The following NDST4 variants were observed in gnomAD, a reference collection of about 807,000 sequenced individuals.
NDST4 encodes N-heparan sulfate sulfotransferase 4.
Under a neutral mutation model 100.8 loss-of-function variants are expected in NDST4, and 63 were observed. That is an observed-to-expected ratio of 0.62 (90% CI 0.51 to 0.77). NDST4 has a LOEUF of 0.77. Among genes scored for constraint, NDST4 ranks in the 30% least tolerant of loss-of-function variants. NDST4 has a pLI of 0.00. For synonymous variants in NDST4, 377 were observed against 361.8 expected (o/e 1.04, Z -0.48); for missense variants, 943 against 1,018.4 (o/e 0.93, Z 1.01).
intron 2 of NDST4, among the ~76,000 whole-genome samples, chr4:115,040,154 A>T (rs1222471172): frequency 3.3e-5 from 5 of 151,476 alleles, no homozygotes; most frequent in Admixed American, 6.6e-5. Flanking sequence ...TTTTTAGTGA[A>T]TTTTTCTTTG....
chr4:114,918,340 C>T (rs1353589250), intron 6 of NDST4, among the ~76,000 whole-genome samples: 1 of 136,276 alleles, frequency 7.3e-6, no homozygotes, highest in African/African-American at 2.8e-5. Flanking sequence ...CAGGACTTCC[C>T]TTTCTAGAAT....
intron 1 of NDST4, among the ~76,000 whole-genome samples, chr4:115,094,377 A>G (rs985075006): frequency 2.6e-5 from 4 of 152,276 alleles, no homozygotes; most frequent in African/African-American, 9.6e-5. Flanking sequence ...CAGAGAAATG[A>G]TAAGAGTAAT....
intron 10 of NDST4, among the ~76,000 whole-genome samples, chr4:114,843,562 C>T (rs1723477654): frequency 6.6e-6 from 1 of 152,052 alleles, no homozygotes; most frequent in Non-Finnish European, 1.5e-5. Flanking sequence ...CTTTTTTCAC[C>T]AAAATCCATC....
chr4:114,927,262 T>C (rs945302326), intron 6 of NDST4, among the ~76,000 whole-genome samples: 4 of 151,590 alleles, frequency 2.6e-5, no homozygotes, highest in Non-Finnish European at 4.4e-5. Context: ...ATGAGAGAGA[T>C]GTAGCCACGA....
chr4:114,915,032 T>C (rs766004530), intron 6 of NDST4, among the ~76,000 whole-genome samples: 1 of 152,122 alleles, frequency 6.6e-6, no homozygotes, highest in Admixed American at 6.6e-5. Flanking sequence ...TTTTAATGAA[T>C]TAAAACAAGA....
intron 7 of NDST4, among the ~76,000 whole-genome samples, chr4:114,859,567 C>T (rs1355181123): frequency 6.6e-6 from 1 of 152,164 alleles, no homozygotes; most frequent in Non-Finnish European, 1.5e-5. Flanking sequence ...CCCTCCACTC[C>T]TCTGAACTTT....
chr4:114,898,858 T>C (rs1259035892), intron 6 of NDST4, among the ~76,000 whole-genome samples: 1 of 152,198 alleles, frequency 6.6e-6, no homozygotes, highest in African/African-American at 2.4e-5. Flanking sequence ...CAATTGACTT[T>C]TGTATATTAA....
At chr4:114,862,444 G>A (rs749325270) in intron 7 of NDST4, among the ~76,000 whole-genome samples, 4 of 152,090 alleles carry the variant, frequency 2.6e-5, no homozygotes, top group Non-Finnish European at 4.4e-5. Flanking sequence ...ACATAACCCA[G>A]CAGAGCAAAT....
At chr4:115,027,994 G>A (rs1029821716) in intron 2 of NDST4, among the ~76,000 whole-genome samples, 1 of 151,698 alleles carries the variant, frequency 6.6e-6, no homozygotes, top group African/African-American at 2.4e-5. Flanking sequence ...TGGAGTTTGC[G>A]ATGAGGAGAG....
intron 2 of NDST4, among the ~76,000 whole-genome samples, chr4:115,074,475 G>A (rs1729139753): frequency 6.6e-6 from 1 of 151,886 alleles, no homozygotes; most frequent in African/African-American, 2.4e-5. Flanking sequence ...AAAGAAAACT[G>A]TCATTTATAC....
In NDST4 at chr4:114,839,367, C is replaced by T. The variant is rs1723376864; in HGVS notation, c.2286+11G>A. On this transcript the variant is annotated intron_variant, in intron 11 of 13. Coordinates refer to ENST00000264363, the MANE Select transcript of NDST4 (RefSeq NM_022569.3). The stretch of plus-strand genomic sequence containing the variant: ...TAAAATAAACAGAAGAAAGTAATTT[C>T]AGGACATTACCTGAGAAGTAGCAAA... 1 of 1,594,606 alleles carries T rather than the reference C, an allele frequency of 6.3e-7. No homozygotes were observed. Among genetic ancestry groups the T allele is most frequent in the African/African-American group, 1.3e-5 (1 of 74,296 alleles).
intron 4 of NDST4, among the ~76,000 whole-genome samples, chr4:114,941,387 G>C (rs1725746930): frequency 6.6e-6 from 1 of 150,626 alleles, no homozygotes; most frequent in African/African-American, 2.4e-5. Context: ...AAAGGGGTTT[G>C]ATTTTAATAT....
rs373574580 is a variant in NDST4 at position 115,076,272 on chromosome 4, C to T, written c.765G>A (p.Thr255=). 1.1e-5 allele frequency: 17 copies of T among 1,613,950 alleles called. No homozygotes were observed. The highest frequency in any genetic ancestry group is 3.3e-4 in the Middle Eastern group (2 of 6,058). ...SSLSSKTLFA[T]VIQDLGLHDG... ...CATGAAGCCCCAGATCCTGAATCACCGTTGCAAAGAGTGTTTTGCTAGACA... is the reference window on the plus strand; with the variant it reads ...CATGAAGCCCCAGATCCTGAATCACTGTTGCAAAGAGTGTTTTGCTAGACA... Residue 255 remains threonine, a synonymous_variant, in exon 2 of 14, where the codon ACG becomes ACA. Coordinates refer to ENST00000264363, the MANE Select transcript of NDST4 (RefSeq NM_022569.3).
chr4:115,108,141 C>T (rs568864065), intron 1 of NDST4, among the ~76,000 whole-genome samples: 19 of 152,174 alleles, frequency 1.2e-4, no homozygotes, highest in Non-Finnish European at 2.2e-4. Context: ...TTCACTTGCA[C>T]TTTAGAGTAA....
intron 2 of NDST4, among the ~76,000 whole-genome samples, chr4:115,057,733 C>G (rs868789759): frequency 1.3e-4 from 9 of 71,890 alleles, no homozygotes; most frequent in South Asian, 6.9e-4. Context: ...CACACACACA[C>G]AGACACACAC....
chr4:115,034,128 T>A (rs1310770430), intron 2 of NDST4, among the ~76,000 whole-genome samples: 1 of 152,078 alleles, frequency 6.6e-6, no homozygotes, highest in Non-Finnish European at 1.5e-5. Flanking sequence ...GGGACCACAC[T>A]CGGATCCTGC....
chr4:115,078,400 ATGG>A (rs780581977), intron 1 of NDST4, among the ~76,000 whole-genome samples: 1 of 152,200 alleles, frequency 6.6e-6, no homozygotes, highest in Non-Finnish European at 1.5e-5. Flanking sequence ...TGATAGTGAT[ATGG>A]ACAGTGAAAT....
chr4:115,038,679 T>G (rs992513521), intron 2 of NDST4, among the ~76,000 whole-genome samples: 1 of 152,168 alleles, frequency 6.6e-6, no homozygotes, highest in Non-Finnish European at 1.5e-5. Context: ...AAAATTAAGT[T>G]ATAAGAAATG....
intron 8 of NDST4, among the ~76,000 whole-genome samples, chr4:114,852,214 A>G (rs1346328266): frequency 1.3e-5 from 2 of 152,194 alleles, no homozygotes; most frequent in Non-Finnish European, 2.9e-5. Flanking sequence ...TGTTTCAGAA[A>G]GTAAGTCCAT....
Sources: allele counts gnomAD v4.1 joint callset (sites outside exome capture counted in the v4.1 genomes callset), GRCh38; gene constraint gnomAD v4.1.1; transcripts MANE v1.5; gene names NCBI Gene and HGNC (gene_info 2026-07-23, HGNC 2026-07-21).